ITFG1: variants seen among roughly 807,000 people sequenced by gnomAD.
The protein encoded by ITFG1 is integrin alpha FG-GAP repeat containing 1.
ITFG1 carries 34 observed loss-of-function variants against 81.8 expected under a neutral mutation model. That is an observed-to-expected ratio of 0.42 (90% confidence interval 0.32 to 0.55). The LOEUF is 0.55. ITFG1 is among the 20% of genes least tolerant of loss of function. ITFG1 has a pLI of 0.17. For synonymous variants in ITFG1, 285 were observed against 270.6 expected (o/e 1.05, Z -0.52); for missense variants, 672 against 755.4 (o/e 0.89, Z 1.29).
At chr16:47,296,923 C>T (rs1966991174) in intron 10 of ITFG1, among the ~76,000 whole-genome samples, 1 of 152,150 alleles carries the variant, frequency 6.6e-6, no homozygotes, top group Non-Finnish European at 1.5e-5. Context: ...GAATGTTCCA[C>T]ATGTGTCTAT....
chr16:47,322,780 CTG>C (rs1967468266), intron 8 of ITFG1, among the ~76,000 whole-genome samples: 1 of 152,158 alleles, frequency 6.6e-6, no homozygotes, highest in African/African-American at 2.4e-5. Flanking sequence ...AACATTTTTT[CTG>C]TGTGTTCAGA....
At chr16:47,235,324 A>C (rs1314709837) in intron 13 of ITFG1, among the ~76,000 whole-genome samples, 1 of 152,184 alleles carries the variant, frequency 6.6e-6, no homozygotes, top group Non-Finnish European at 1.5e-5. Context: ...GGCAAAGACA[A>C]TACTGGGCTG....
intron 6 of ITFG1, chr16:47,425,679 G>A (rs1969011902): frequency 1.3e-5 from 2 of 149,568 alleles, no homozygotes; most frequent in Admixed American, 1.3e-4. Context: ...TGCAACCTCT[G>A]CCTCCCAGGA....
At chr16:47,251,201 A>G (rs1966070324) in intron 12 of ITFG1, among the ~76,000 whole-genome samples, 1 of 152,220 alleles carries the variant, frequency 6.6e-6, no homozygotes, top group East Asian at 1.9e-4. Flanking sequence ...CCCTCGGTTG[A>G]GGCCACAGGA....
chr16:47,432,130 A>AATGCCGGG (rs1226419594), intron 5 of ITFG1, among the ~76,000 whole-genome samples: 1 of 152,164 alleles, frequency 6.6e-6, no homozygotes, highest in Admixed American at 6.5e-5. Context: ...GCTCCCATGA[A>AATGCCGGG]ATGTCAGTGA....
At position 47,218,801 on chromosome 16, in the gene ITFG1, A is replaced by C; in HGVS notation, c.1453+67T>G. ...GTGTGAAAACATAATTTTTTCCACC[A>C]GTTTACCTTGCTAATATATTGACTG... On this transcript the variant is annotated intron_variant, in intron 14 of 17. Transcript: ENST00000320640. 7 of 906,710 alleles carry C rather than the reference A, an allele frequency of 7.7e-6. No individual in the cohort carries two copies. The South Asian group carries it at 1.1e-4, about 14-fold the overall frequency. 56.2% of individuals were successfully genotyped at this position (906,710 alleles called of 1,614,324 possible).
intron 10 of ITFG1, among the ~76,000 whole-genome samples, chr16:47,303,365 A>C (rs1387813277): frequency 6.6e-6 from 1 of 152,220 alleles, no homozygotes; most frequent in Non-Finnish European, 1.5e-5. Flanking sequence ...CTTATGAAGA[A>C]AGTGAGAAAA....
intron 6 of ITFG1, among the ~76,000 whole-genome samples, chr16:47,389,892 C>G (rs998221895): frequency 4.6e-5 from 7 of 152,140 alleles, no homozygotes; most frequent in African/African-American, 1.7e-4. Flanking sequence ...AGGACTGAGG[C>G]ATAGTAAACA....
intron 10 of ITFG1, among the ~76,000 whole-genome samples, chr16:47,267,316 C>T (rs1302373925): frequency 6.6e-6 from 1 of 151,958 alleles, no homozygotes; most frequent in Non-Finnish European, 1.5e-5. Context: ...AGAATATCAC[C>T]AGAACAAAGA....
chr16:47,163,614 G>A (rs1246076834), intron 14 of ITFG1, among the ~76,000 whole-genome samples: 2 of 151,994 alleles, frequency 1.3e-5, no homozygotes, highest in Admixed American at 6.6e-5. Flanking sequence ...TCATATACAG[G>A]TTTATTTTTG....
At chr16:47,247,597 T>G (rs1966017003) in intron 12 of ITFG1, among the ~76,000 whole-genome samples, 1 of 152,236 alleles carries the variant, frequency 6.6e-6, no homozygotes, top group Non-Finnish European at 1.5e-5. Flanking sequence ...TAATGAAAGA[T>G]GTGATCATGG....
At chr16:47,270,636 A>G (rs1193820676) in intron 10 of ITFG1, among the ~76,000 whole-genome samples, 2 of 152,252 alleles carry the variant, frequency 1.3e-5, no homozygotes, top group African/African-American at 2.4e-5. Context: ...TAGCAGTCAG[A>G]CCTGATATAG....
chr16:47,176,555 T>C (rs1965026571), intron 14 of ITFG1, among the ~76,000 whole-genome samples: 1 of 152,248 alleles, frequency 6.6e-6, no homozygotes, highest in Non-Finnish European at 1.5e-5. Context: ...GCATTTCCTC[T>C]TACTAACTAG....
At chr16:47,425,499 A>C (rs1969008650) in intron 6 of ITFG1, among the ~76,000 whole-genome samples, 1 of 152,062 alleles carries the variant, frequency 6.6e-6, no homozygotes, top group South Asian at 2.1e-4. Flanking sequence ...CCTCAGTTGG[A>C]AATGCACAAA....
chr16:47,299,264 TCCTGG>T (rs1967035094), intron 10 of ITFG1, among the ~76,000 whole-genome samples: 1 of 152,216 alleles, frequency 6.6e-6, no homozygotes, highest in African/African-American at 2.4e-5. Context: ...CATGTTGATA[TCCTGG>T]CCAGTAGGCA....
intron 5 of ITFG1, among the ~76,000 whole-genome samples, chr16:47,440,294 A>G (rs576486674): frequency 7.2e-4 from 109 of 152,324 alleles, no homozygotes; most frequent in Non-Finnish European, 9.6e-4. Flanking sequence ...GAAAGTAAAC[A>G]AGGATATCCA....
chr16:47,400,270 T>G (rs924121286), intron 6 of ITFG1, among the ~76,000 whole-genome samples: 75 of 152,182 alleles, frequency 4.9e-4, no homozygotes, highest in African/African-American at 1.7e-3. Flanking sequence ...AGGCCTGTAA[T>G]TCCAGTGCTT....
At chr16:47,331,546 A>AT (rs1182375108) in intron 8 of ITFG1, among the ~76,000 whole-genome samples, 2 of 152,214 alleles carry the variant, frequency 1.3e-5, no homozygotes, top group Non-Finnish European at 2.9e-5. Context: ...GTGAACGTTG[A>AT]TAAAAACTGC....
At chr16:47,401,429 A>G (rs1968660649) in intron 6 of ITFG1, among the ~76,000 whole-genome samples, 1 of 152,184 alleles carries the variant, frequency 6.6e-6, no homozygotes, top group Non-Finnish European at 1.5e-5. Flanking sequence ...GTACTCAAGG[A>G]GAGTGTATTA....
Sources: gnomAD v4.1 joint callset for allele counts (sites outside exome capture counted in the v4.1 genomes callset) on GRCh38, gnomAD v4.1.1 for gene constraint, MANE v1.5 for transcripts, NCBI Gene and HGNC (gene_info 2026-07-23, HGNC 2026-07-21) for gene names.